KLHL2: variants seen among roughly 807,000 people sequenced by gnomAD.
KLHL2 encodes the protein kelch-like protein 2.
Under a neutral mutation model 75.8 loss-of-function variants are expected in KLHL2, and 15 were observed. The observed-to-expected ratio is 0.20, with a 90% confidence interval of 0.13 to 0.30. The LOEUF (loss-of-function observed/expected upper bound fraction) is 0.30. Ranked by LOEUF, KLHL2 falls within the 10% of genes least tolerant of loss-of-function variation. The probability of loss-of-function intolerance (pLI) is 1.00; values close to 1 mark genes in which losing one functional copy is unlikely to be tolerated. For synonymous variants in KLHL2, 214 were observed against 251.9 expected (o/e 0.85, Z 1.42); for missense variants, 381 against 741.0 (o/e 0.51, Z 5.64).
intron 14 of KLHL2, 142 bp from the exon 15 acceptor site, chr4:165,321,890 A>G: frequency 1.3e-6 from 1 of 750,252 alleles, no homozygotes; most frequent in Non-Finnish European, 2.3e-6. Context: ...TGATAATACT[A>G]CTAAAGTTTA....
At chr4:165,270,038 A>G (rs997278978) in intron 5 of KLHL2, among the ~76,000 whole-genome samples, 8 of 151,766 alleles carry the variant, frequency 5.3e-5, no homozygotes, top group African/African-American at 1.9e-4. Context: ...TTTTTTCTCT[A>G]ATCTTGTCTT....
chr4:165,309,287 G>GGGAA (rs1745970354), intron 9 of KLHL2, among the ~76,000 whole-genome samples: 1 of 152,208 alleles, frequency 6.6e-6, no homozygotes, highest in Admixed American at 6.5e-5. Context: ...AAAGTGGACA[G>GGGAA]GGAAGGCATC....
intron 5 of KLHL2, chr4:165,277,785 A>ACACACACACACC (rs1204584506): frequency 1.2e-4 from 70 of 603,012 alleles, no homozygotes; most frequent in African/African-American, 8.0e-4. Flanking sequence ...ACACACACAC[A>ACACACACACACC]CCAAATATTT....
intron 4 of KLHL2, among the ~76,000 whole-genome samples, chr4:165,248,696 C>G (rs1002713313): frequency 2.0e-5 from 3 of 152,176 alleles, no homozygotes; most frequent in Non-Finnish European, 1.5e-5. Flanking sequence ...AAATGCTATT[C>G]AAGCTTAAAG....
At chr4:165,231,651 T>C (rs1738903003) in intron 3 of KLHL2, among the ~76,000 whole-genome samples, 1 of 152,230 alleles carries the variant, frequency 6.6e-6, no homozygotes, top group African/African-American at 2.4e-5. Flanking sequence ...TGACTTTCCA[T>C]TTACCAGTTG....
rs922621453 is a variant in KLHL2 at position 165,319,428 on chromosome 4, T to C, written c.1753+1459T>C. 5.9e-5 allele frequency among the ~76,000 whole-genome samples: 9 copies of C among 152,172 alleles called. No homozygotes were observed. The highest frequency in any genetic ancestry group is 1.9e-4 in the African/African-American group (8 of 41,448). ...AGAAAAAGCTGAATTGCTTGAGATATACCATGGATTGAGGTCTGCTGCTGC... is the reference window on the plus strand; with the variant it reads ...AGAAAAAGCTGAATTGCTTGAGATACACCATGGATTGAGGTCTGCTGCTGC... On this transcript the variant is annotated intron_variant, in intron 14 of 14. Coordinates refer to ENST00000226725, the MANE Select transcript of KLHL2 (RefSeq NM_007246.4). The surrounding 1 kb of genome is among the most constrained non-coding windows in gnomAD (Gnocchi z 4.5).
intron 2 of KLHL2, among the ~76,000 whole-genome samples, chr4:165,223,313 C>G (rs923204961): frequency 6.6e-6 from 1 of 152,100 alleles, no homozygotes; most frequent in African/African-American, 2.4e-5. Context: ...TGGACACATA[C>G]AGAGAGGAGG....
intron 4 of KLHL2, among the ~76,000 whole-genome samples, chr4:165,249,647 G>C (rs1360517787): frequency 6.6e-6 from 1 of 152,068 alleles, no homozygotes; most frequent in Admixed American, 6.5e-5. Context: ...GAATTTTTTT[G>C]TAATCTGGTA....
Position 165,322,695 on chromosome 4 carries a change from CAG to C in KLHL2, c.*638_*639del, listed in dbSNP as rs1411364753. ...ATTATGCCAGTACTACATTGTAAAA[CAG>C]AGTTGTATTTTTTGATATTTAACAA... On this transcript the variant is annotated 3_prime_UTR_variant, in exon 15 of 15. Coordinates refer to ENST00000226725, the MANE Select transcript of KLHL2 (RefSeq NM_007246.4). 6.6e-6 allele frequency: 1 copy of C among 152,552 alleles called. No individual in the cohort carries two copies. Among genetic ancestry groups the C allele is most frequent in the East Asian group, 1.9e-4 (1 of 5,192 alleles). The allele number at this position is 152,552 out of a possible 1,614,324, so 9.4% of individuals were successfully genotyped here.
At chr4:165,257,529 G>A (rs749125048) in intron 4 of KLHL2, among the ~76,000 whole-genome samples, 8 of 152,148 alleles carry the variant, frequency 5.3e-5, no homozygotes, top group South Asian at 2.1e-4. Flanking sequence ...GCCCTGTTAC[G>A]TTACATCTTC....
intron 9 of KLHL2, 38 bp downstream of exon 9, chr4:165,305,763 G>T: frequency 7.4e-7 from 1 of 1,349,528 alleles, no homozygotes; most frequent in Non-Finnish European, 1.1e-6. Context: ...TCTACTCCTG[G>T]GTCATTGGGA....
chr4:165,301,712 A>C (rs922463382), intron 8 of KLHL2, among the ~76,000 whole-genome samples: 9 of 152,194 alleles, frequency 5.9e-5, no homozygotes, highest in African/African-American at 2.2e-4. Context: ...TATTTTATGT[A>C]AGTCTTTCCA....
chr4:165,263,206 C>T lies in KLHL2; in HGVS notation c.391C>T (p.Pro131Ser), dbSNP rs1413708402. The change falls in exon 5 of 15, where the codon CCA becomes TCA. Residue 131 changes from proline to serine, a missense_variant. Physicochemically the swap from Pro to Ser is moderately conservative, Grantham distance 74. Around this residue, in one of 5 missense-constraint regions of KLHL2, gnomAD observed 51 missense variants for 101.3 expected, o/e 0.50. Transcript: ENST00000226725. ...VTEENVQVLLPAAGLLQLQDV... is the reference protein window; with the variant it reads ...VTEENVQVLLSAAGLLQLQDV... ...GATGTGTGTGTTGCAGGTACTTCTC[C>T]CAGCAGCTGGTCTCTTACAGTTACA... The T allele has an allele frequency of 6.2e-7, 1 of 1,613,794 alleles. No homozygotes were observed. Among genetic ancestry groups the T allele is most frequent in the Non-Finnish European group, 8.5e-7 (1 of 1,179,904 alleles).
intron 1 of KLHL2, among the ~76,000 whole-genome samples, chr4:165,219,310 A>G (rs1737798562): frequency 6.6e-6 from 1 of 152,276 alleles, no homozygotes; most frequent in South Asian, 2.1e-4. Flanking sequence ...TTCATCTGTT[A>G]AATGGGGATA....
At chr4:165,244,796 G>A (rs1740118301) in intron 4 of KLHL2, among the ~76,000 whole-genome samples, 1 of 152,250 alleles carries the variant, frequency 6.6e-6, no homozygotes, top group Non-Finnish European at 1.5e-5. Flanking sequence ...AGCCAGGGAT[G>A]AATAGGGCTA....
chr4:165,312,681 C>T lies in KLHL2; in HGVS notation c.1340-557C>T, dbSNP rs554904289. ...TACCCAACCTTCAGCAACTGCTAGT[C>T]TACTTTCTATCACTTAGAGATTTGC... On this transcript the variant is annotated intron_variant, in intron 11 of 14. Transcript: ENST00000226725. Among the ~76,000 whole-genome samples the T allele has an allele frequency of 1.7e-3, 257 of 152,312 alleles. 2 individuals are homozygous for T. The highest frequency in any genetic ancestry group is 6.0e-3 in the African/African-American group (248 of 41,572).
chr4:165,288,656 C>G (rs577581308), intron 5 of KLHL2, among the ~76,000 whole-genome samples: 1 of 152,136 alleles, frequency 6.6e-6, no homozygotes, highest in South Asian at 2.1e-4. Context: ...GATGAACTCT[C>G]TTTTGTAGTT....
intron 4 of KLHL2, among the ~76,000 whole-genome samples, chr4:165,253,693 C>T (rs1467987853): frequency 5.3e-5 from 8 of 152,188 alleles, no homozygotes; most frequent in African/African-American, 1.9e-4. Flanking sequence ...ATCTCCCACT[C>T]CCTTTCCAGG....
At chr4:165,299,800 G>A (rs887149875) in intron 8 of KLHL2, 144 bp downstream of exon 8, 4 of 651,830 alleles carry the variant, frequency 6.1e-6, no homozygotes, top group Admixed American at 3.5e-5. Context: ...GCATTGTAGT[G>A]TATGTAATTC....
Sources: allele counts gnomAD v4.1 joint callset (sites outside exome capture counted in the v4.1 genomes callset), GRCh38; gene constraint gnomAD v4.1.1; regional missense constraint gnomAD v4.1.1; non-coding constraint Gnocchi (gnomAD v3.1); transcripts MANE v1.5; gene names NCBI Gene and HGNC (gene_info 2026-07-23, HGNC 2026-07-21).